The following PNMT variants were observed in gnomAD, a reference collection of about 807,000 sequenced individuals.
PNMT encodes the protein noradrenaline N-methyltransferase.
In PNMT, 18 loss-of-function variants were observed where a neutral mutation model predicts 18.9. The ratio of observed to expected loss-of-function variants is 0.95; its 90% CI spans 0.66 to 1.41. PNMT has a LOEUF of 1.41. PNMT is among the 40% of genes most tolerant of loss of function. The pLI is 0.00. For synonymous variants in PNMT, 167 were observed against 168.6 expected (o/e 0.99, Z 0.08); for missense variants, 378 against 387.0 (o/e 0.98, Z 0.20).
In PNMT at chr17:39,670,235, T is replaced by C; in HGVS notation, c.695T>C (p.Val232Ala). 6.2e-7 allele frequency: 1 copy of C among 1,610,250 alleles called. No homozygotes were observed. Residue 232 changes from valine to alanine, a missense_variant, in exon 3 of 3, where the codon GTG becomes GCG. Coordinates refer to ENST00000269582, the MANE Select transcript of PNMT (RefSeq NM_002686.4). ...GCTGGGGAGGCCAGGCTGACGGTGG[T>C]GCCAGTGTCTGAGGAGGAGGTGAGG... is the stretch of plus-strand genomic sequence containing the variant. ...YLAGEARLTV[V>A]PVSEEEVREA...
chr17:39,668,390 C>A, upstream of PNMT: 1 of 1,171,734 alleles, frequency 8.5e-7, no homozygotes, highest in Non-Finnish European at 1.1e-6. Flanking sequence ...CTGCCGCCCC[C>A]ACAGCGGACC....
Position 39,668,766 on chromosome 17 carries a change from A to C in PNMT, c.202+89A>C, listed in dbSNP as rs374841344. The C allele has an allele frequency of 8.1e-5, 87 of 1,072,814 alleles. 1 individual carries two copies. In the South Asian group the frequency reaches 8.8e-4, roughly 11 times the overall value. The allele number at this position is 1,072,814 out of a possible 1,614,324, so 66.5% of individuals were successfully genotyped here. On this transcript the variant is annotated intron_variant, in intron 1 of 2. Transcript: ENST00000269582. ...GAAATAAAAAGAAGGAAAGGGAGAC[A>C]GACCAGGCGCCTAACAGATGGGGAC...
At chr17:39,669,410 T>C (rs1241298695) in intron 1 of PNMT, among the ~76,000 whole-genome samples, 1 of 152,168 alleles carries the variant, frequency 6.6e-6, no homozygotes, top group Admixed American at 6.5e-5. Context: ...ATGTGAAACC[T>C]GAGTCTCAGA....
chr17:39,669,051 T>C (rs1470500844), intron 1 of PNMT, among the ~76,000 whole-genome samples: 1 of 151,292 alleles, frequency 6.6e-6, no homozygotes, highest in Non-Finnish European at 1.5e-5. Context: ...TTCTTTTTCT[T>C]TATTTTATTT....
rs780930631 is a variant in PNMT, at chr17:39,669,681, C to A, written c.255C>A (p.Tyr85Ter). Residue 85 changes from tyrosine (Y) to a stop codon, truncating the protein, a stop_gained, in exon 2 of 3, where the codon TAC (tyrosine) becomes TAA (stop). Coordinates refer to ENST00000269582, the MANE Select transcript of PNMT (RefSeq NM_002686.4). LOFTEE classifies it high-confidence loss of function. Reference protein sequence around the residue: ...LIDIGSGPTVYQLLSACSHFE... With the variant: ...LIDIGSGPTV ...ACATTGGTTCAGGCCCCACCGTGTACCAGCTGCTCAGTGCCTGCAGCCACT... is the reference window on the plus strand; with the variant it reads ...ACATTGGTTCAGGCCCCACCGTGTAACAGCTGCTCAGTGCCTGCAGCCACT... 1 of 1,614,132 alleles carries A rather than the reference C, an allele frequency of 6.2e-7. No homozygotes were observed. Among genetic ancestry groups the A allele is most frequent in the Admixed American group, 1.7e-5 (1 of 60,020 alleles).
At position 39,669,716 on chromosome 17, in the gene PNMT, TCAC is replaced by T; in HGVS notation, c.293_295del (p.Thr98del). 1 of 1,614,050 alleles carries T rather than the reference TCAC, an allele frequency of 6.2e-7. No homozygotes were observed. The highest frequency in any genetic ancestry group is 8.5e-7 in the Non-Finnish European group (1 of 1,179,964). ...AGTGCCTGCAGCCACTTTGAGGACA[TCAC>T]CATGACAGATTTCCTGGAGGTCAAC... On this transcript the variant is annotated inframe_deletion, in exon 2 of 3. Transcript: ENST00000269582.
chr17:39,669,815 C>A lies in PNMT; in HGVS notation c.389C>A (p.Ala130Asp). 6.2e-7 allele frequency: 1 copy of A among 1,613,902 alleles called. No individual in the cohort carries two copies. The highest frequency in any genetic ancestry group is 8.5e-7 in the Non-Finnish European group (1 of 1,179,826). ...AACTGGAGCATGTACAGCCAACATG[C>A]CTGCCTCATTGAGGGCAAGGGGTAA... ...AFNWSMYSQH[A>D]CLIEGKGECW... The change falls in exon 2 of 3, where the codon GCC (alanine) becomes GAC (aspartate). Residue 130 changes from alanine to aspartate, a missense_variant. Transcript: ENST00000269582.
At position 39,670,189 on chromosome 17, in the gene PNMT, C is replaced by G. The variant is rs750970132; in HGVS notation, c.649C>G (p.Leu217Val). 6.2e-7 allele frequency: 1 copy of G among 1,612,210 alleles called. No individual in the cohort carries two copies. The highest frequency in any genetic ancestry group is 1.1e-5 in the South Asian group (1 of 90,922). Residue 217 changes from leucine (L) to valine (V), a missense_variant, in exon 3 of 3, where the codon CTG becomes GTG. Transcript: ENST00000269582. ...PGGHLLLIGA[L>V]EESWYLAGEA... ...GGGGCACCTCCTCCTCATCGGGGCC[C>G]TGGAGGAGTCGTGGTACCTGGCTGG...
chr17:39,668,799 CAA>C (rs920437795), intron 1 of PNMT, 122 bp downstream of exon 1: 20 of 731,038 alleles, frequency 2.7e-5, no homozygotes, highest in Middle Eastern at 3.0e-4. Flanking sequence ...GACCAAGAAA[CAA>C]GAGATAGCTG....
upstream of PNMT, chr17:39,668,153 A>C: frequency 4.3e-6 from 1 of 230,852 alleles, no homozygotes; most frequent in Non-Finnish European, 7.2e-6. Context: ...TGTGGGGGTG[A>C]GGAACTGAGG....
chr17:39,668,391 A>G (rs1025106917), upstream of PNMT: 363 of 1,195,284 alleles, frequency 3.0e-4, 1 homozygote, highest in Non-Finnish European at 4.9e-5. Flanking sequence ...TGCCGCCCCC[A>G]CAGCGGACCG....
chr17:39,670,274 G>A lies in PNMT; in HGVS notation c.734G>A (p.Arg245His), dbSNP rs748756615. The change falls in exon 3 of 3, where the codon CGT becomes CAT. Residue 245 changes from arginine (R) to histidine (H), a missense_variant. Physicochemically the swap from Arg to His is conservative, Grantham distance 29. Transcript: ENST00000269582. ...GAGGAGGTGAGGGAGGCCCTGGTGC[G>A]TAGTGGCTACAAGGTCCGGGACCTC... ...SEEEVREALVRSGYKVRDLRT... is the reference protein window; with the variant it reads ...SEEEVREALVHSGYKVRDLRT... 91 of 1,609,386 alleles carry A rather than the reference G, an allele frequency of 5.7e-5. No individual in the cohort carries two copies. Among genetic ancestry groups the A allele is most frequent in the Non-Finnish European group, 5.9e-5 (70 of 1,178,552 alleles).
At chr17:39,668,828 G>A (rs1309636546) in intron 1 of PNMT, 151 bp downstream of exon 1, 5 of 621,624 alleles carry the variant, frequency 8.0e-6, no homozygotes, top group Non-Finnish European at 1.4e-5. Context: ...GCAAACAGAA[G>A]AGAAAAAAGA....
upstream of PNMT, chr17:39,668,256 A>G (rs2057270442): frequency 7.1e-6 from 3 of 420,058 alleles, no homozygotes; most frequent in Admixed American, 9.2e-5. Flanking sequence ...GGTGTGGGGG[A>G]CGATTGCCGC....
At position 39,670,249 on chromosome 17, in the gene PNMT, G is replaced by A. The variant is rs774121502; in HGVS notation, c.709G>A (p.Glu237Lys). The stretch of plus-strand genomic sequence containing the variant: ...GCTGACGGTGGTGCCAGTGTCTGAG[G>A]AGGAGGTGAGGGAGGCCCTGGTGCG... ...ARLTVVPVSE[E>K]EVREALVRSG... is the part of the protein sequence containing the mutation. The change falls in exon 3 of 3, where the codon GAG becomes AAG. Residue 237 changes from glutamate (E) to lysine (K), a missense_variant. Coordinates refer to ENST00000269582, the MANE Select transcript of PNMT (RefSeq NM_002686.4). 15 of 1,609,580 alleles carry A rather than the reference G, an allele frequency of 9.3e-6. No individual in the cohort carries two copies. The highest frequency in any genetic ancestry group is 2.7e-5 in the African/African-American group (2 of 74,830).
Position 39,669,708 on chromosome 17 carries a change from T to C in PNMT, c.282T>C (p.Phe94=), listed in dbSNP as rs1250177031. 6.2e-7 allele frequency: 1 copy of C among 1,613,972 alleles called. No individual in the cohort carries two copies. The highest frequency in any genetic ancestry group is 1.3e-5 in the African/African-American group (1 of 74,892). The change falls in exon 2 of 3, where the codon TTT becomes TTC. Residue 94 remains phenylalanine (F), a synonymous_variant. Transcript: ENST00000269582. ...AGCTGCTCAGTGCCTGCAGCCACTT[T>C]GAGGACATCACCATGACAGATTTCC... ...VYQLLSACSH[F]EDITMTDFLE...
At position 39,668,595 on chromosome 17, in the gene PNMT, C is replaced by G; in HGVS notation, c.120C>G (p.Tyr40Ter). 1 of 1,602,652 alleles carries G rather than the reference C, an allele frequency of 6.2e-7. No individual in the cohort carries two copies. Among genetic ancestry groups the G allele is most frequent in the South Asian group, 1.1e-5 (1 of 90,156 alleles). The change falls in exon 1 of 3, where the codon TAC (tyrosine) becomes TAG (stop). Residue 40 changes from tyrosine (Y) to a stop codon, truncating the protein, a stop_gained. Coordinates refer to ENST00000269582, the MANE Select transcript of PNMT (RefSeq NM_002686.4). LOFTEE classifies it high-confidence loss of function. ...FEPRAYLRNNYAPPRGDLCNP... is the reference protein window; with the variant it reads ...FEPRAYLRNN ...CGCGCGCCTACCTCCGCAACAACTA[C>G]GCGCCCCCTCGCGGGGACCTGTGCA...
chr17:39,669,923 T>G, intron 2 of PNMT, 28 bp from the exon 3 acceptor site: 1 of 1,593,840 alleles, frequency 6.3e-7, no homozygotes, highest in Non-Finnish European at 8.6e-7. Context: ...AGAACAGCCT[T>G]GAGCCCTGCC....
Position 39,669,628 on chromosome 17 carries a change from G to A in PNMT, c.203-1G>A. 1.9e-6 allele frequency: 3 copies of A among 1,613,764 alleles called. No individual in the cohort carries two copies. The highest frequency in any genetic ancestry group is 2.7e-5 in the African/African-American group (2 of 75,030). On this transcript the variant is annotated splice_acceptor_variant, in intron 1 of 2. Coordinates refer to ENST00000269582, the MANE Select transcript of PNMT (RefSeq NM_002686.4). LOFTEE classifies it high-confidence loss of function. ...GGACCCTCTTCCTCTGCCCTGCCCA[G>A]GTGAAGTGTCCGGACGCACCCTCAT...
Sources: allele counts gnomAD v4.1 joint callset (sites outside exome capture counted in the v4.1 genomes callset), GRCh38; gene constraint gnomAD v4.1.1; transcripts MANE v1.5; gene names NCBI Gene and HGNC (gene_info 2026-07-23, HGNC 2026-07-21).